Variants in ZNF385D observed in about 807,000 individuals in gnomAD.
ZNF385D encodes the protein zinc finger protein 659.
ZNF385D carries 15 observed loss-of-function variants against 35.8 expected under a neutral mutation model. The observed-to-expected ratio is 0.42, with a 90% CI of 0.28 to 0.64. The LOEUF (loss-of-function observed/expected upper bound fraction) is 0.64. Ranked by LOEUF, ZNF385D falls within the 30% of genes least tolerant of loss-of-function variation. The pLI is 0.23. For missense variants in ZNF385D, 474 were observed against 494.6 expected, an observed-to-expected ratio of 0.96 and a Z score of 0.39; for synonymous variants, 212 against 186.8, an observed-to-expected ratio of 1.13 and a Z score of -1.10.
intron 2 of ZNF385D, among the ~76,000 whole-genome samples, chr3:22,317,464 G>A (rs1434419058): frequency 6.6e-6 from 1 of 151,990 alleles, no homozygotes; most frequent in Non-Finnish European, 1.5e-5. Context: ...TCTTCTGAGG[G>A]CAGCTCCAAG....
chr3:22,151,807 T>C (rs1424903008), intron 3 of ZNF385D, among the ~76,000 whole-genome samples: 1 of 152,178 alleles, frequency 6.6e-6, no homozygotes, highest in African/African-American at 2.4e-5. Context: ...CGTGAGCCCT[T>C]TAACCACAAG....
intron 3 of ZNF385D, among the ~76,000 whole-genome samples, chr3:21,946,070 C>T (rs983250401): frequency 3.9e-5 from 6 of 152,160 alleles, no homozygotes; most frequent in African/African-American, 1.4e-4. Context: ...CTGCTCAGGT[C>T]ATGGATCAAT....
At chr3:22,137,724 A>G (rs1181173123) in intron 3 of ZNF385D, among the ~76,000 whole-genome samples, 1 of 152,120 alleles carries the variant, frequency 6.6e-6, no homozygotes, top group Admixed American at 6.6e-5. Flanking sequence ...TACTGAATGG[A>G]CAAAAACTGG....
chr3:21,471,710 T>C (rs1323519754), intron 4 of ZNF385D, among the ~76,000 whole-genome samples: 1 of 152,182 alleles, frequency 6.6e-6, no homozygotes, highest in East Asian at 1.9e-4. Context: ...GCTTGAAGTA[T>C]GATGGGAAAC....
In ZNF385D at chr3:21,866,231, T is replaced by C. The variant is rs565744286; in HGVS notation, c.326-201203A>G. 5.9e-5 allele frequency among the ~76,000 whole-genome samples: 9 copies of C among 152,154 alleles called. No homozygotes were observed. In the South Asian group the frequency reaches 1.9e-3, roughly 32 times the overall value. On this transcript the variant is annotated intron_variant, in intron 3 of 5. Transcript: ENST00000494108. ...ACTTTGAGAGGCCGAGGCAGGCAGA[T>C]CATCTGAGGTCAGGAGTTCGAGACC...
intron 3 of ZNF385D, among the ~76,000 whole-genome samples, chr3:21,946,465 G>GT (rs34558716): frequency 0.26 from 39,518 of 151,964 alleles, 5,825 homozygotes; most frequent in Admixed American, 0.41. Context: ...GTTTTTCTTT[G>GT]TTTCTCTAAT....
chr3:22,274,669 T>A (rs1039250832), intron 2 of ZNF385D, among the ~76,000 whole-genome samples: 7 of 151,704 alleles, frequency 4.6e-5, no homozygotes, highest in African/African-American at 9.7e-5. Context: ...AGTAAATTTT[T>A]TAAAAAAAAG....
At chr3:22,205,440 A>T (rs1697084235) in intron 2 of ZNF385D, among the ~76,000 whole-genome samples, 2 of 152,036 alleles carry the variant, frequency 1.3e-5, no homozygotes, top group African/African-American at 4.8e-5. Context: ...TGAAGGTACA[A>T]AACTTGCTGG....
At chr3:21,907,570 A>C (rs1575884675) in intron 3 of ZNF385D, among the ~76,000 whole-genome samples, 1 of 152,242 alleles carries the variant, frequency 6.6e-6, no homozygotes, top group Non-Finnish European at 1.5e-5. Flanking sequence ...CATTTTGATC[A>C]TAAATGTGCA....
chr3:21,623,290 G>A (rs1398791595), intron 2 of ZNF385D, among the ~76,000 whole-genome samples: 1 of 152,110 alleles, frequency 6.6e-6, no homozygotes, highest in Admixed American at 6.6e-5. Context: ...ATAAAATGAT[G>A]TTTGGCATTT....
At chr3:21,556,630 G>A (rs1396556418) in intron 3 of ZNF385D, among the ~76,000 whole-genome samples, 1 of 152,144 alleles carries the variant, frequency 6.6e-6, no homozygotes, top group South Asian at 2.1e-4. Flanking sequence ...CTGTATCCTT[G>A]TAGTATAGTT....
intron 3 of ZNF385D, among the ~76,000 whole-genome samples, chr3:21,756,815 C>T (rs2070359758): frequency 6.6e-6 from 1 of 152,122 alleles, no homozygotes; most frequent in South Asian, 2.1e-4. Context: ...AATGTCAAAA[C>T]AGTTTGAAAA....
At chr3:22,089,284 T>C (rs570707327) in intron 3 of ZNF385D, among the ~76,000 whole-genome samples, 2 of 152,314 alleles carry the variant, frequency 1.3e-5, no homozygotes, top group South Asian at 2.1e-4. Context: ...TATCTGTAAA[T>C]ATAATCCTAA....
chr3:21,529,759 T>A (rs1471676249), intron 3 of ZNF385D, among the ~76,000 whole-genome samples: 1 of 152,220 alleles, frequency 6.6e-6, no homozygotes, highest in Non-Finnish European at 1.5e-5. Context: ...TAAAACGGAA[T>A]GAAACTAAGT....
At chr3:22,128,190 T>G (rs1322730206) in intron 3 of ZNF385D, among the ~76,000 whole-genome samples, 1 of 152,210 alleles carries the variant, frequency 6.6e-6, no homozygotes, top group Admixed American at 6.5e-5. Flanking sequence ...CATCAGCACT[T>G]TAAGTATATC....
intron 3 of ZNF385D, among the ~76,000 whole-genome samples, chr3:21,530,366 T>C (rs1454276021): frequency 6.6e-6 from 1 of 152,208 alleles, no homozygotes; most frequent in Non-Finnish European, 1.5e-5. Context: ...TTCAGTGCCT[T>C]GAGCAAAGTC....
chr3:22,327,162 C>T (rs1416929413), intron 2 of ZNF385D, among the ~76,000 whole-genome samples: 1 of 151,960 alleles, frequency 6.6e-6, no homozygotes, highest in Non-Finnish European at 1.5e-5. Context: ...CTCACCCTAC[C>T]ACCCTTACTA....
intron 3 of ZNF385D, among the ~76,000 whole-genome samples, chr3:21,832,608 A>G (rs2125767330): frequency 6.6e-6 from 1 of 152,282 alleles, no homozygotes; most frequent in Non-Finnish European, 1.5e-5. Flanking sequence ...ACCGGTAAAT[A>G]CATTTGAAAT....
chr3:21,892,890 T>A (rs1222347873), intron 3 of ZNF385D, among the ~76,000 whole-genome samples: 2 of 152,186 alleles, frequency 1.3e-5, no homozygotes, highest in African/African-American at 4.8e-5. Context: ...TAGAATAGAA[T>A]AGAATGCAGA....
Sources: allele counts gnomAD v4.1 joint callset (sites outside exome capture counted in the v4.1 genomes callset), GRCh38; gene constraint gnomAD v4.1.1; transcripts MANE v1.5; gene names NCBI Gene and HGNC (gene_info 2026-07-23, HGNC 2026-07-21).